The following DCDC1 variants were observed in gnomAD, a reference collection of about 807,000 sequenced individuals.
The protein encoded by DCDC1 is doublecortin domain containing 1.
A neutral mutation model predicts 178.3 loss-of-function variants in DCDC1; 200 were observed. That is an observed-to-expected ratio of 1.12 (90% CI 1.00 to 1.26). DCDC1 has a LOEUF of 1.26. Among genes scored for constraint, DCDC1 ranks in the 50% most tolerant of loss-of-function variants. The pLI, the probability that DCDC1 is intolerant of heterozygous loss-of-function variation, is 0.00. For missense variants in DCDC1, 1,983 were observed against 1,749.2 expected, an observed-to-expected ratio of 1.13 and a Z score of -2.38; for synonymous variants, 690 against 604.8, an observed-to-expected ratio of 1.14 and a Z score of -2.07.
chr11:30,912,269 A>G (rs547716885), intron 27 of DCDC1, among the ~76,000 whole-genome samples: 2 of 151,798 alleles, frequency 1.3e-5, no homozygotes, highest in Admixed American at 6.6e-5. Flanking sequence ...TAAATTACTC[A>G]GTTTCAGGTA....
chr11:30,916,767 A>T, intron 26 of DCDC1, 103 bp downstream of exon 26: 1 of 1,229,810 alleles, frequency 8.1e-7, no homozygotes, highest in Non-Finnish European at 1.1e-6. Context: ...TGATAGAAAC[A>T]GCAGCTAACA....
At chr11:31,125,146 G>A (rs988399459) in intron 11 of DCDC1, among the ~76,000 whole-genome samples, 1 of 151,700 alleles carries the variant, frequency 6.6e-6, no homozygotes, top group African/African-American at 2.4e-5. Flanking sequence ...AAAAAAAGAC[G>A]TACATGTGGC....
At chr11:30,956,535 C>T (rs557694682) in intron 20 of DCDC1, among the ~76,000 whole-genome samples, 2 of 152,134 alleles carry the variant, frequency 1.3e-5, no homozygotes, top group African/African-American at 2.4e-5. Context: ...ATATCCAGTT[C>T]GTTCTATGCA....
intron 9 of DCDC1, among the ~76,000 whole-genome samples, chr11:31,210,710 C>CAAAAAAAA (rs533444227): frequency 1.9e-5 from 1 of 51,432 alleles, no homozygotes. Context: ...GACTCCGTCT[C>CAAAAAAAA]AAAAAAAAAA....
rs149399377 is a variant in DCDC1, at chr11:31,362,888, T to C, written c.-125+6809A>G. 3.0e-3 allele frequency among the ~76,000 whole-genome samples: 450 copies of C among 152,274 alleles called. 2 individuals carry two copies. The highest frequency in any genetic ancestry group is 1.0e-2 in the African/African-American group (415 of 41,564). ...CCTGTTTTTCTCAGTCTCTAACTAA[T>C]TAAACTGAAAGGTTGCAAGAAGCTG... On this transcript the variant is annotated intron_variant, in intron 1 of 38. Coordinates refer to ENST00000684477, the MANE Select transcript of DCDC1 (RefSeq NM_001387274.1).
intron 37 of DCDC1, among the ~76,000 whole-genome samples, chr11:30,880,158 T>G (rs1156526483): frequency 6.6e-6 from 1 of 152,144 alleles, no homozygotes; most frequent in East Asian, 1.9e-4. Flanking sequence ...TCGTGTGTTC[T>G]TCTAAGTACC....
chr11:30,978,772 C>G (rs1365339167), intron 20 of DCDC1, among the ~76,000 whole-genome samples: 1 of 140,326 alleles, frequency 7.1e-6, no homozygotes. Flanking sequence ...CCTCCCAGTC[C>G]CCCCTCAACA....
chr11:31,119,180 A>C (rs925555667), intron 11 of DCDC1, among the ~76,000 whole-genome samples: 1 of 152,168 alleles, frequency 6.6e-6, no homozygotes, highest in Non-Finnish European at 1.5e-5. Context: ...CTGTTTCTTT[A>C]CCTTTAAAAT....
At chr11:30,973,158 T>A (rs186563901) in intron 20 of DCDC1, among the ~76,000 whole-genome samples, 1 of 151,148 alleles carries the variant, frequency 6.6e-6, no homozygotes, top group East Asian at 2.0e-4. Context: ...TGTAATCCCA[T>A]CTACTCATGA....
intron 15 of DCDC1, among the ~76,000 whole-genome samples, chr11:31,097,509 T>C (rs1331519752): frequency 6.6e-6 from 1 of 152,232 alleles, no homozygotes; most frequent in East Asian, 1.9e-4. Context: ...ATACAATCTC[T>C]TTCCTCATGT....
At chr11:31,322,625 G>A (rs907918646) in intron 3 of DCDC1, among the ~76,000 whole-genome samples, 2 of 152,120 alleles carry the variant, frequency 1.3e-5, no homozygotes, top group African/African-American at 4.8e-5. Flanking sequence ...TTCTTTACTC[G>A]GACATTGTTG....
At chr11:31,023,623 CAT>C (rs1415087277) in intron 20 of DCDC1, among the ~76,000 whole-genome samples, 2 of 152,004 alleles carry the variant, frequency 1.3e-5, no homozygotes, top group East Asian at 1.9e-4. Context: ...ACAAATGACT[CAT>C]ATTTGTACAA....
intron 8 of DCDC1, among the ~76,000 whole-genome samples, chr11:31,248,733 T>C (rs755620130): frequency 6.6e-6 from 1 of 152,104 alleles, no homozygotes; most frequent in Non-Finnish European, 1.5e-5. Context: ...AAATGGAGGA[T>C]TCCCTTTGAC....
intron 9 of DCDC1, among the ~76,000 whole-genome samples, chr11:31,208,012 G>A (rs989848906): frequency 3.9e-5 from 6 of 152,048 alleles, no homozygotes; most frequent in Admixed American, 2.6e-4. Flanking sequence ...TTCCTTAGTT[G>A]ATCCTTCTTT....
chr11:31,250,415 C>CATATATAT (rs753411919), intron 8 of DCDC1, among the ~76,000 whole-genome samples: 4 of 73,670 alleles, frequency 5.4e-5, no homozygotes, highest in African/African-American at 1.0e-4. Context: ...CACACACACA[C>CATATATAT]ATATACATAT....
intron 20 of DCDC1, among the ~76,000 whole-genome samples, chr11:31,051,191 C>A (rs572067100): frequency 6.6e-6 from 1 of 152,250 alleles, no homozygotes; most frequent in South Asian, 2.1e-4. Context: ...TCTGGAAAGT[C>A]TCAGCAATAG....
chr11:31,162,931 A>G (rs1290964002), intron 9 of DCDC1, among the ~76,000 whole-genome samples: 1 of 152,196 alleles, frequency 6.6e-6, no homozygotes, highest in Non-Finnish European at 1.5e-5. Context: ...CATGGACCAT[A>G]CATCTACATG....
rs1421694763 is a variant in DCDC1, at chr11:31,103,647, C to T, written c.1874G>A (p.Gly625Asp). The T allele has an allele frequency of 4.0e-6, 3 of 757,946 alleles. No homozygotes were observed. The East Asian group carries it at 7.3e-5, about 19-fold the overall frequency. The allele number at this position is 757,946 out of a possible 1,614,324, so 47.0% of individuals were successfully genotyped here. A position where few individuals can be genotyped will look rare whatever the true frequency, so the allele number is the denominator to read the frequency against. The change falls in exon 14 of 39, where the codon GGC (glycine) becomes GAC (aspartate). Residue 625 changes from glycine to aspartate, a missense_variant. By Grantham distance (94) the Gly-to-Asp change is moderately conservative. Coordinates refer to ENST00000684477, the MANE Select transcript of DCDC1 (RefSeq NM_001387274.1). ...ACAAGATTACTTGTTAATTTACTTG[C>T]CACATCCAGGTAGCAGAACAGCATT... ...DPNAVLLPGC[G>D]NWEVCEGFPI...
At chr11:31,312,516 G>A (rs763520531) in intron 3 of DCDC1, among the ~76,000 whole-genome samples, 10 of 152,244 alleles carry the variant, frequency 6.6e-5, no homozygotes, top group Non-Finnish European at 1.2e-4. Flanking sequence ...TTGAACTGGT[G>A]GACCAAGTAA....
Sources: allele counts gnomAD v4.1 joint callset (sites outside exome capture counted in the v4.1 genomes callset), GRCh38; gene constraint gnomAD v4.1.1; transcripts MANE v1.5; gene names NCBI Gene and HGNC (gene_info 2026-07-23, HGNC 2026-07-21).